RAB27A: variants seen among roughly 807,000 people sequenced by gnomAD.
RAB27A encodes the protein ras-related protein Rab-27A.
A neutral mutation model predicts 20.8 loss-of-function variants in RAB27A; 17 were observed. The ratio of observed to expected loss-of-function variants is 0.82; its 90% confidence interval spans 0.56 to 1.23. The LOEUF (loss-of-function observed/expected upper bound fraction) is 1.23, where lower values mean the gene tolerates loss of function less well. RAB27A is among the 50% of genes most tolerant of loss of function. RAB27A has a pLI of 0.00. For synonymous variants in RAB27A, 85 were observed against 92.8 expected, an observed-to-expected ratio of 0.92 and a Z score of 0.48; for missense variants, 277 against 266.7, an observed-to-expected ratio of 1.04 and a Z score of -0.27.
chr15:55,311,221 A>C (rs1434002672), intron 2 of RAB27A, among the ~76,000 whole-genome samples: 3 of 152,248 alleles, frequency 2.0e-5, no homozygotes, highest in Admixed American at 6.5e-5. Context: ...GTAACATTGT[A>C]TCTCTCCATG....
rs151024193 is a variant in RAB27A at position 55,281,309 on chromosome 15, G to C, written c.-143+8407C>G. ...TCTCCTTTTATATTTGCTTCACCTG[G>C]CTATTCTTCCGAAAGGAAGCATACA... On this transcript the variant is annotated intron_variant, in intron 1 of 6. Transcript: ENST00000336787. Among the ~76,000 whole-genome samples, 13 of 152,176 alleles carry C rather than the reference G, an allele frequency of 8.5e-5. No individual in the cohort carries two copies. In the East Asian group the frequency reaches 2.5e-3, roughly 29 times the overall value.
At chr15:55,313,396 A>C (rs569941568) in intron 2 of RAB27A, among the ~76,000 whole-genome samples, 5 of 152,342 alleles carry the variant, frequency 3.3e-5, no homozygotes, top group African/African-American at 1.2e-4. Flanking sequence ...GCGAGACCCT[A>C]TCTCTTTAAA....
intron 2 of RAB27A, among the ~76,000 whole-genome samples, chr15:55,299,577 A>C (rs1345644402): frequency 4.1e-5 from 6 of 146,402 alleles, no homozygotes. Flanking sequence ...TAGGTGACAC[A>C]GTGAGAATCT....
At chr15:55,294,870 A>G (rs2141140219) in intron 2 of RAB27A, among the ~76,000 whole-genome samples, 1 of 152,250 alleles carries the variant, frequency 6.6e-6, no homozygotes, top group Middle Eastern at 3.4e-3. Context: ...AATGGTGCAT[A>G]AAAGCACACT....
Position 55,261,459 on chromosome 15 carries a change from G to A in RAB27A, c.-23+8706C>T, listed in dbSNP as rs113800174. Among the ~76,000 whole-genome samples, 385 of 150,234 alleles carry A rather than the reference G, an allele frequency of 2.6e-3. 5 individuals are homozygous for A. The highest frequency in any genetic ancestry group is 8.8e-3 in the African/African-American group (360 of 40,898). ...AAAAGAATATTTTTGGCTGGGTACTGTGGCTTACACCTGTAATCCCAGCAC... is the reference window on the plus strand; with the variant it reads ...AAAAGAATATTTTTGGCTGGGTACTATGGCTTACACCTGTAATCCCAGCAC... On this transcript the variant is annotated intron_variant, in intron 2 of 6. Coordinates refer to ENST00000336787, the MANE Select transcript of RAB27A (RefSeq NM_183235.3).
chr15:55,288,205 G>T (rs924016919), intron 1 of RAB27A, among the ~76,000 whole-genome samples: 10 of 152,114 alleles, frequency 6.6e-5, no homozygotes. Context: ...TCTTAACTTT[G>T]ACATCAAAAG....
At position 55,203,948 on chromosome 15, in the gene RAB27A, A is replaced by G. The variant is rs1029783515; in HGVS notation, c.*1559T>C. The G allele has an allele frequency of 6.6e-6, 1 of 152,154 alleles. No homozygotes were observed. The highest frequency in any genetic ancestry group is 1.5e-5 in the Non-Finnish European group (1 of 68,020). The allele number at this position is 152,154 out of a possible 1,614,324, so 9.4% of individuals were successfully genotyped here. A position where few individuals can be genotyped will look rare whatever the true frequency, so the allele number is the denominator to read the frequency against. ...TTTATTTTTCCTTTTTTAAAAATAA[A>G]TTTAGGGGGTACAAGTACAGTTTAG... On this transcript the variant is annotated 3_prime_UTR_variant, in exon 7 of 7. Transcript: ENST00000336787.
intron 1 of RAB27A, among the ~76,000 whole-genome samples, chr15:55,316,416 G>A (rs1048222502): frequency 6.9e-6 from 1 of 145,052 alleles, no homozygotes; most frequent in Non-Finnish European, 1.5e-5. Context: ...TCACACACTG[G>A]GGCCTGTCGG....
At chr15:55,210,029 T>C (rs1894903891) in intron 6 of RAB27A, among the ~76,000 whole-genome samples, 1 of 143,976 alleles carries the variant, frequency 6.9e-6, no homozygotes, top group African/African-American at 2.5e-5. Flanking sequence ...TACGCATATA[T>C]ATGTGTGTGT....
upstream of RAB27A, among the ~76,000 whole-genome samples, chr15:55,293,423 C>T (rs1313061773): frequency 6.7e-6 from 1 of 150,258 alleles, no homozygotes; most frequent in South Asian, 2.1e-4. Flanking sequence ...AGCAAAGATG[C>T]AAGATACTAG....
chr15:55,294,744 T>C (rs1184927450), upstream of RAB27A, among the ~76,000 whole-genome samples: 2 of 151,940 alleles, frequency 1.3e-5, no homozygotes, highest in East Asian at 1.9e-4. Context: ...GAGGAAAACA[T>C]AGGCATCAAT....
chr15:55,303,677 T>C (rs1233235887), intron 2 of RAB27A, among the ~76,000 whole-genome samples: 8 of 89,674 alleles, frequency 8.9e-5, no homozygotes, highest in African/African-American at 1.3e-4. Context: ...TCAGCCCCCC[T>C]GCCCGGCCAG....
At chr15:55,274,502 G>A (rs760483189) in intron 1 of RAB27A, among the ~76,000 whole-genome samples, 1 of 149,278 alleles carries the variant, frequency 6.7e-6, no homozygotes, top group Non-Finnish European at 1.5e-5. Context: ...AACTGGCTGG[G>A]TGCGGTGGTT....
intron 1 of RAB27A, chr15:55,317,046 G>A (rs988253209): frequency 1.3e-5 from 2 of 152,150 alleles, no homozygotes; most frequent in African/African-American, 4.8e-5. Flanking sequence ...TACTGCATAT[G>A]CTGAATTCCT....
chr15:55,215,463 T>A (rs1895239287), intron 6 of RAB27A, among the ~76,000 whole-genome samples: 1 of 147,260 alleles, frequency 6.8e-6, no homozygotes, highest in Non-Finnish European at 1.5e-5. Context: ...CCATCCTGGC[T>A]AACACGGTGA....
chr15:55,273,579 C>T (rs921045182), intron 1 of RAB27A, among the ~76,000 whole-genome samples: 7 of 151,680 alleles, frequency 4.6e-5, no homozygotes, highest in African/African-American at 1.7e-4. Context: ...AAATGGAAAC[C>T]AAAAGAAAGC....
intron 3 of RAB27A, among the ~76,000 whole-genome samples, chr15:55,231,706 C>T (rs554284941): frequency 1.3e-3 from 197 of 152,158 alleles, no homozygotes; most frequent in Non-Finnish European, 2.1e-3. Context: ...CCTAAAAGTC[C>T]CATACTGAGA....
chr15:55,304,365 C>G (rs551586793), intron 2 of RAB27A, among the ~76,000 whole-genome samples: 1 of 151,328 alleles, frequency 6.6e-6, no homozygotes, highest in Non-Finnish European at 1.5e-5. Context: ...AACCAGAGAC[C>G]TTTGTTCACT....
intron 1 of RAB27A, chr15:55,289,394 G>A (rs77671602): frequency 0.051 from 7,843 of 152,340 alleles, 283 homozygotes; most frequent in East Asian, 0.15. Flanking sequence ...CGGGAGGTCG[G>A]GGACTTTCCT....
Sources: gnomAD v4.1 joint callset for allele counts (sites outside exome capture counted in the v4.1 genomes callset) on GRCh38, gnomAD v4.1.1 for gene constraint, MANE v1.5 for transcripts, NCBI Gene and HGNC (gene_info 2026-07-23, HGNC 2026-07-21) for gene names.